ENTREP2: variants seen among roughly 807,000 people sequenced by gnomAD.
ENTREP2 encodes protein ENTREP2.
At chr15:29,482,887 A>G in the ENTREP2 span, among the ~76,000 whole-genome samples, 1 of 152,222 alleles carries the variant, frequency 6.6e-6, no homozygotes, top group African/African-American at 2.4e-5. Flanking sequence ...ATAGGGTAAG[A>G]GTATGTTTCA....
At chr15:29,549,947 T>G in the ENTREP2 span, among the ~76,000 whole-genome samples, 1 of 152,108 alleles carries the variant, frequency 6.6e-6, no homozygotes, top group Admixed American at 6.6e-5. Context: ...ATCCTAAGAA[T>G]GGAAAAGGGA....
chr15:29,161,215 C>T, the ENTREP2 span, among the ~76,000 whole-genome samples: 1 of 152,128 alleles, frequency 6.6e-6, no homozygotes, highest in Non-Finnish European at 1.5e-5. Flanking sequence ...TGTGTTTGCA[C>T]CAAGAAACCT....
At chr15:29,396,133 C>T in the ENTREP2 span, among the ~76,000 whole-genome samples, 1 of 152,170 alleles carries the variant, frequency 6.6e-6, no homozygotes, top group Non-Finnish European at 1.5e-5. Context: ...CATATGAAGT[C>T]TCTTTCAGAA....
At chr15:29,307,550 T>C in the ENTREP2 span, among the ~76,000 whole-genome samples, 1 of 152,224 alleles carries the variant, frequency 6.6e-6, no homozygotes, top group Non-Finnish European at 1.5e-5. Context: ...AACTTACCTA[T>C]TGCTATGGAC....
the ENTREP2 span, among the ~76,000 whole-genome samples, chr15:29,259,794 TG>T: frequency 1.3e-5 from 2 of 148,226 alleles, no homozygotes; most frequent in African/African-American, 5.3e-5. Context: ...CTGAGCAACA[TG>T]GTGAAATCCC....
At chr15:29,448,533 C>T in the ENTREP2 span, among the ~76,000 whole-genome samples, 1 of 152,192 alleles carries the variant, frequency 6.6e-6, no homozygotes, top group African/African-American at 2.4e-5. Flanking sequence ...TCTACAGTGT[C>T]CTAGTACTGA....
the ENTREP2 span, among the ~76,000 whole-genome samples, chr15:29,642,534 ATCATATG>A: frequency 1.0e-4 from 15 of 148,102 alleles, no homozygotes; most frequent in Admixed American, 2.7e-4. Flanking sequence ...ACACATATAT[ATCATATG>A]TACATATATA....
chr15:29,470,619 G>T, the ENTREP2 span, among the ~76,000 whole-genome samples: 3 of 151,968 alleles, frequency 2.0e-5, no homozygotes, highest in Admixed American at 2.0e-4. Flanking sequence ...AAACGCTGCC[G>T]GAAGCCACAA....
the ENTREP2 span, chr15:29,195,234 A>T: frequency 1.0e-6 from 1 of 985,242 alleles, no homozygotes; most frequent in Admixed American, 6.1e-5. Flanking sequence ...CGTGCAAAAC[A>T]TGACAGGCGC....
At chr15:29,666,551 C>A in the ENTREP2 span, among the ~76,000 whole-genome samples, 2 of 152,156 alleles carry the variant, frequency 1.3e-5, no homozygotes, top group Non-Finnish European at 2.9e-5. Context: ...GAAAATCTCA[C>A]TGTGCTGCTC....
the ENTREP2 span, among the ~76,000 whole-genome samples, chr15:29,468,479 G>T: frequency 8.6e-5 from 13 of 151,950 alleles, no homozygotes; most frequent in African/African-American, 2.4e-4. Context: ...GGGTGGTGGC[G>T]CATGCCTGTA....
the ENTREP2 span, among the ~76,000 whole-genome samples, chr15:29,280,969 A>G: frequency 6.6e-6 from 1 of 152,180 alleles, no homozygotes; most frequent in Admixed American, 6.5e-5. Context: ...CTAGGATTCA[A>G]TCAGTCATTA....
chr15:29,598,720 G>A, the ENTREP2 span, among the ~76,000 whole-genome samples: 72,144 of 151,434 alleles, frequency 0.48, 17,651 homozygotes, highest in Non-Finnish European at 0.54. Context: ...TTTTTGAGAC[G>A]GAGTCTCGCT....
chr15:29,315,000 C>T, the ENTREP2 span, among the ~76,000 whole-genome samples: 3 of 152,028 alleles, frequency 2.0e-5, no homozygotes, highest in Admixed American at 6.6e-5. Context: ...TGCAGTGAGC[C>T]GAGATCGTGC....
the ENTREP2 span, among the ~76,000 whole-genome samples, chr15:29,419,215 T>C: frequency 3.4e-4 from 52 of 151,830 alleles, no homozygotes; most frequent in Non-Finnish European, 5.6e-4. Context: ...ATTATAGTTA[T>C]TACGCCCAAG....
At chr15:29,657,475 T>TGGGGGGTCG in the ENTREP2 span, among the ~76,000 whole-genome samples, 9 of 3,804 alleles carry the variant, frequency 2.4e-3, no homozygotes, top group African/African-American at 0.012. Context: ...CGCTGTCGGC[T>TGGGGGGTCG]GGGGGGGCGG....
the ENTREP2 span, among the ~76,000 whole-genome samples, chr15:29,196,204 T>C: frequency 1.3e-5 from 2 of 152,080 alleles, no homozygotes; most frequent in Non-Finnish European, 2.9e-5. Context: ...ATGTCAGAGG[T>C]AGGACAATGA....
the ENTREP2 span, among the ~76,000 whole-genome samples, chr15:29,315,141 C>T: frequency 6.6e-6 from 1 of 152,122 alleles, no homozygotes; most frequent in African/African-American, 2.4e-5. Context: ...GAAGATACAA[C>T]AGCAAAGAGA....
At chr15:29,650,802 A>G in the ENTREP2 span, among the ~76,000 whole-genome samples, 1 of 152,144 alleles carries the variant, frequency 6.6e-6, no homozygotes, top group Non-Finnish European at 1.5e-5. Context: ...TGAGACCAGG[A>G]GTTCAAGAGC....
Sources: gnomAD v4.1 joint callset for allele counts (sites outside exome capture counted in the v4.1 genomes callset) on GRCh38, gnomAD v4.1.1 for gene constraint, MANE v1.5 for transcripts, NCBI Gene and HGNC (gene_info 2026-07-23, HGNC 2026-07-21) for gene names.